The following RPS6KA2 variants were observed in gnomAD, a reference collection of about 807,000 sequenced individuals.
RPS6KA2 encodes ribosomal protein S6 kinase alpha-2.
A neutral mutation model predicts 91.8 loss-of-function variants in RPS6KA2; 42 were observed. The ratio of observed to expected loss-of-function variants is 0.46; its 90% CI spans 0.36 to 0.59. The LOEUF is 0.59. Ranked by LOEUF, RPS6KA2 falls within the 20% of genes least tolerant of loss-of-function variation. The pLI is 0.00. For missense variants in RPS6KA2, 798 were observed against 978.5 expected (o/e 0.82, Z 2.46); for synonymous variants, 414 against 393.6 (o/e 1.05, Z -0.61).
chr6:166,660,257 T>C (rs1430425175), intron 2 of RPS6KA2, among the ~76,000 whole-genome samples: 1 of 152,186 alleles, frequency 6.6e-6, no homozygotes, highest in African/African-American at 2.4e-5. Flanking sequence ...GCTATTGTTC[T>C]GGTCCATTTT....
intron 6 of RPS6KA2, among the ~76,000 whole-genome samples, chr6:166,502,386 A>G (rs1782056400): frequency 6.6e-6 from 1 of 152,264 alleles, no homozygotes; most frequent in Admixed American, 6.5e-5. Context: ...CCCAGAATTA[A>G]GCACCTTTCA....
In RPS6KA2 at chr6:166,412,827, G is replaced by A; in HGVS notation, c.2137C>T (p.Pro713Ser). The change falls in exon 21 of 21, where the codon CCC becomes TCC. Residue 713 changes from proline to serine, a missense_variant. Pro to Ser is a moderately conservative substitution (Grantham distance 74). Transcript: ENST00000265678. The surrounding 1 kb of genome is among the most constrained non-coding windows in gnomAD (Gnocchi z 4.3). ...TGAGCCAGGTTGGATGACAGCACGG[G>A]CTCCAGCCGCGGGGCCTGAGGTGTT... ...NRTPQAPRLE[P>S]VLSSNLAQRR... 3 of 1,580,514 alleles carry A rather than the reference G, an allele frequency of 1.9e-6. No individual in the cohort carries two copies. The highest frequency in any genetic ancestry group is 1.7e-6 in the Non-Finnish European group (2 of 1,163,910).
chr6:166,702,377 A>G, intron 2 of RPS6KA2: 2 of 1,609,090 alleles, frequency 1.2e-6, no homozygotes, highest in Non-Finnish European at 1.7e-6. Context: ...GATATAGGCT[A>G]CTTTCAAGGT....
At chr6:166,678,357 T>C (rs1788676995) in intron 2 of RPS6KA2, among the ~76,000 whole-genome samples, 1 of 152,154 alleles carries the variant, frequency 6.6e-6, no homozygotes, top group South Asian at 2.1e-4. Flanking sequence ...AACCAAATCA[T>C]GGGAAAGCTG....
chr6:166,663,033 C>A (rs553729259), intron 2 of RPS6KA2, among the ~76,000 whole-genome samples: 3 of 152,122 alleles, frequency 2.0e-5, no homozygotes, highest in African/African-American at 4.8e-5. Context: ...CTTCAAGCCT[C>A]CAGAACTGAG....
At chr6:166,501,576 T>G (rs985276312) in intron 6 of RPS6KA2, among the ~76,000 whole-genome samples, 18 of 152,328 alleles carry the variant, frequency 1.2e-4, no homozygotes, top group African/African-American at 4.1e-4. Flanking sequence ...ACGTGACAGT[T>G]GCCTTTGCTC....
Position 166,603,975 on chromosome 6 carries a change from C to A in RPS6KA2, c.99+22946G>T, listed in dbSNP as rs1453128568. On this transcript the variant is annotated intron_variant, in intron 1 of 20. Transcript: ENST00000265678. The surrounding 1 kb of genome is among the most constrained non-coding windows in gnomAD (Gnocchi z 4.3). ...TTCTCCAACTCGTCCTAACGTGTCC[C>A]TCCTAGAAGTCACGAAGAGAAAAGG... 6.6e-6 allele frequency among the ~76,000 whole-genome samples: 1 copy of A among 152,066 alleles called. No individual in the cohort carries two copies. Among genetic ancestry groups the A allele is most frequent in the Non-Finnish European group, 1.5e-5 (1 of 68,012 alleles).
intron 11 of RPS6KA2, among the ~76,000 whole-genome samples, chr6:166,469,316 C>G (rs559550020): frequency 2.8e-5 from 4 of 143,860 alleles, no homozygotes; most frequent in East Asian, 4.0e-4. Flanking sequence ...TCCAACAACT[C>G]GGCACTGTTG....
chr6:166,470,365 G>T (rs935341260), intron 10 of RPS6KA2, among the ~76,000 whole-genome samples: 4 of 152,204 alleles, frequency 2.6e-5, no homozygotes, highest in Non-Finnish European at 5.9e-5. Context: ...ATGAAGAGGA[G>T]TTGACAGGAC....
At chr6:166,546,042 C>G (rs1486665687) in intron 1 of RPS6KA2, among the ~76,000 whole-genome samples, 4 of 152,166 alleles carry the variant, frequency 2.6e-5, no homozygotes, top group African/African-American at 7.2e-5. Flanking sequence ...CTCACGGAAG[C>G]CTGGGGTGTT....
chr6:166,703,366 G>A (rs903998979), intron 2 of RPS6KA2, among the ~76,000 whole-genome samples: 1 of 152,236 alleles, frequency 6.6e-6, no homozygotes, highest in African/African-American at 2.4e-5. Flanking sequence ...CGCTTTGTTT[G>A]GATTGGCATT....
chr6:166,750,986 C>T (rs1791264385), intron 2 of RPS6KA2, among the ~76,000 whole-genome samples: 1 of 152,226 alleles, frequency 6.6e-6, no homozygotes, highest in Non-Finnish European at 1.5e-5. Flanking sequence ...AGGCTGCTGA[C>T]ACTCTAGAAA....
At chr6:166,723,910 G>C (rs1216613510) in intron 2 of RPS6KA2, among the ~76,000 whole-genome samples, 5 of 152,044 alleles carry the variant, frequency 3.3e-5, no homozygotes, top group Non-Finnish European at 2.9e-5. Flanking sequence ...ATGTTGGCCA[G>C]GCTGGCCTCG....
chr6:166,655,809 T>A (rs1787983828), intron 2 of RPS6KA2, among the ~76,000 whole-genome samples: 1 of 152,030 alleles, frequency 6.6e-6, no homozygotes, highest in Non-Finnish European at 1.5e-5. Context: ...AAAACAACAA[T>A]CTCATCAGGT....
intron 2 of RPS6KA2, among the ~76,000 whole-genome samples, chr6:166,775,411 G>A (rs1014387942): frequency 3.9e-5 from 6 of 152,228 alleles, no homozygotes; most frequent in South Asian, 2.1e-4. Context: ...ACTCCGAGGC[G>A]CGTGCAGCCA....
intron 1 of RPS6KA2, among the ~76,000 whole-genome samples, chr6:166,593,666 A>C (rs1199854558): frequency 1.3e-5 from 2 of 152,208 alleles, no homozygotes; most frequent in Non-Finnish European, 2.9e-5. Context: ...CGGAAAAAAA[A>C]AACTTGCAAA....
At position 166,435,972 on chromosome 6, in the gene RPS6KA2, G is replaced by C. The variant is rs1779286389; in HGVS notation, c.1333-3482C>G. On this transcript the variant is annotated intron_variant, in intron 14 of 20. Coordinates refer to ENST00000265678, the MANE Select transcript of RPS6KA2 (RefSeq NM_021135.6). The surrounding 1 kb of genome is among the most constrained non-coding windows in gnomAD (Gnocchi z 4.3). ...CCTGTGGGGTTGCAGGAGCTCCCTGGGCCTCTCTACACCTAGCTTTCTTCA... is the reference window on the plus strand; with the variant it reads ...CCTGTGGGGTTGCAGGAGCTCCCTGCGCCTCTCTACACCTAGCTTTCTTCA... Among the ~76,000 whole-genome samples, 2 of 152,112 alleles carry C rather than the reference G, an allele frequency of 1.3e-5. No individual in the cohort carries two copies. The highest frequency in any genetic ancestry group is 1.3e-4 in the Admixed American group (2 of 15,264).
Position 166,448,942 on chromosome 6 carries a change from C to A in RPS6KA2, c.1207-93G>T. 6.7e-7 allele frequency: 1 copy of A among 1,503,410 alleles called. No homozygotes were observed. The highest frequency in any genetic ancestry group is 9.1e-7 in the Non-Finnish European group (1 of 1,099,262). 93.1% of individuals were successfully genotyped at this position (1,503,410 alleles called of 1,614,324 possible). ...ACACAGAATGTGGGGCGAAGAGAGG[C>A]ACCGACTGTGAACTGAGTGTGTGGA... On this transcript the variant is annotated intron_variant, in intron 13 of 20. Transcript: ENST00000265678. The surrounding 1 kb of genome is among the most constrained non-coding windows in gnomAD (Gnocchi z 4.7).
At chr6:166,588,201 G>C (rs1785243209) in intron 1 of RPS6KA2, among the ~76,000 whole-genome samples, 1 of 151,610 alleles carries the variant, frequency 6.6e-6, no homozygotes, top group South Asian at 2.1e-4. Flanking sequence ...CCCTGAGTGT[G>C]GTTTAAAAAG....
Sources: allele counts gnomAD v4.1 joint callset (sites outside exome capture counted in the v4.1 genomes callset), GRCh38; gene constraint gnomAD v4.1.1; non-coding constraint Gnocchi (gnomAD v3.1); transcripts MANE v1.5; gene names NCBI Gene and HGNC (gene_info 2026-07-23, HGNC 2026-07-21).